The following ACYP1 variants were observed in gnomAD, a reference collection of about 807,000 sequenced individuals.
ACYP1 encodes acylphosphatase-1.
A neutral mutation model predicts 10.4 loss-of-function variants in ACYP1; 8 were observed. The observed-to-expected ratio is 0.77, with a 90% confidence interval of 0.45 to 1.38. The LOEUF (loss-of-function observed/expected upper bound fraction) is 1.38, where lower values mean the gene tolerates loss of function less well. Among genes scored for constraint, ACYP1 ranks in the 40% most tolerant of loss-of-function variants. ACYP1 has a pLI of 0.00. For synonymous variants in ACYP1, 38 were observed against 40.8 expected (o/e 0.93, Z 0.26); for missense variants, 93 against 117.3 (o/e 0.79, Z 0.96).
At chr14:75,065,739 A>G (rs1390756025), upstream of ACYP1, among the ~76,000 whole-genome samples, 3 of 152,222 alleles carry the variant, frequency 2.0e-5, no homozygotes, top group South Asian at 4.1e-4. Flanking sequence ...GCCCTGTGCT[A>G]TAACAAGGAC....
intron 2 of ACYP1, among the ~76,000 whole-genome samples, chr14:75,055,235 C>T (rs1227683388): frequency 2.0e-4 from 30 of 150,870 alleles, no homozygotes; most frequent in Admixed American, 1.7e-3. Flanking sequence ...CACAGGCGCC[C>T]GCAACCACTC....
chr14:75,057,964 CAAAAAAAA>C (rs769312151), intron 2 of ACYP1, among the ~76,000 whole-genome samples: 2 of 38,804 alleles, frequency 5.2e-5, no homozygotes, highest in Non-Finnish European at 4.2e-5. Context: ...GACTCTGTCT[CAAAAAAAA>C]AAAAAAAAAA....
intron 2 of ACYP1, among the ~76,000 whole-genome samples, chr14:75,062,285 G>C (rs2139657776): frequency 6.8e-6 from 1 of 146,448 alleles, no homozygotes; most frequent in South Asian, 2.2e-4. Context: ...AAAAAAAAAA[G>C]CTGGGTGTGG....
chr14:75,061,629 CT>C, intron 2 of ACYP1: 1 of 1,357,524 alleles, frequency 7.4e-7, no homozygotes. Context: ...CCCTCAACAA[CT>C]TTGACTAATC....
At chr14:75,069,488 A>G, upstream of ACYP1, 1 of 487,960 alleles carries the variant, frequency 2.0e-6, no homozygotes, top group Admixed American at 4.1e-5. Flanking sequence ...CCGGACACTG[A>G]CTGGGTCAAG....
exon 1 of ACYP1, chr14:75,069,221 C>T (rs1893231993): frequency 6.6e-7 from 1 of 1,511,892 alleles, no homozygotes; most frequent in Non-Finnish European, 8.8e-7. Flanking sequence ...TGGGGCCCGC[C>T]CAGCGCAGCC....
rs954982870 is a variant in ACYP1, at chr14:75,069,104, T to C, written c.82+106A>G. 2.7e-5 allele frequency: 30 copies of C among 1,119,736 alleles called. No homozygotes were observed. In the East Asian group the frequency reaches 5.8e-4, roughly 22 times the overall value. 69.4% of individuals were successfully genotyped at this position (1,119,736 alleles called of 1,614,324 possible). A position where few individuals can be genotyped will look rare whatever the true frequency, so the allele number is the denominator to read the frequency against. On this transcript the variant is annotated intron_variant, in intron 1 of 2. Coordinates refer to the ACYP1 transcript ENST00000555463. ...ACATTATAATATCAAAATAATTAGA[T>C]TGGCCACAAAAACTACCACGGAAAG...
intron 2 of ACYP1, among the ~76,000 whole-genome samples, chr14:75,059,309 G>C (rs1337982831): frequency 6.6e-6 from 1 of 151,908 alleles, no homozygotes; most frequent in Non-Finnish European, 1.5e-5. Context: ...GATCAGCCAG[G>C]CAACATGGGG....
intron 2 of ACYP1, among the ~76,000 whole-genome samples, chr14:75,053,942 C>T (rs138997423): frequency 6.6e-6 from 1 of 152,296 alleles, no homozygotes; most frequent in Admixed American, 6.5e-5. Flanking sequence ...AAGTCCAAAA[C>T]AGATGCTTTT....
At chr14:75,066,370 A>G (rs561936557), upstream of ACYP1, among the ~76,000 whole-genome samples, 1 of 50,230 alleles carries the variant, frequency 2.0e-5, no homozygotes, top group Non-Finnish European at 4.4e-5. Context: ...TGTCAATTAT[A>G]TTTTAATAAA....
chr14:75,067,025 A>C (rs1893153257), upstream of ACYP1, among the ~76,000 whole-genome samples: 1 of 152,208 alleles, frequency 6.6e-6, no homozygotes, highest in Non-Finnish European at 1.5e-5. Context: ...GAGGTTCCTA[A>C]GGAACAATCT....
intron 2 of ACYP1, among the ~76,000 whole-genome samples, chr14:75,062,813 C>T (rs1893061846): frequency 6.6e-6 from 1 of 152,170 alleles, no homozygotes; most frequent in Admixed American, 6.5e-5. Context: ...AGATTAGCCA[C>T]ATTAAAGCAG....
At chr14:75,061,877 G>A (rs10129657) in intron 2 of ACYP1, 288,119 of 596,126 alleles carry the variant, frequency 0.48, 73,837 homozygotes, top group East Asian at 0.83. Flanking sequence ...CAAGGTGGGC[G>A]GATCACCTGA....
chr14:75,054,426 TCTTTC>T (rs1042529051), intron 2 of ACYP1, among the ~76,000 whole-genome samples: 2 of 151,806 alleles, frequency 1.3e-5, no homozygotes, highest in East Asian at 1.9e-4. Context: ...TTTTTAATGT[TCTTTC>T]CTTTTATTAA....
At chr14:75,063,433 A>G in intron 2 of ACYP1, 37 bp downstream of exon 2, 1 of 1,565,396 alleles carries the variant, frequency 6.4e-7, no homozygotes, top group Non-Finnish European at 8.8e-7. Context: ...TATGCCCACA[A>G]CCTAGGTTAC....
intron 2 of ACYP1, among the ~76,000 whole-genome samples, chr14:75,058,043 T>C (rs571027394): frequency 6.8e-6 from 1 of 147,892 alleles, no homozygotes; most frequent in African/African-American, 2.5e-5. Context: ...ATTTGACTCA[T>C]GATTCTGTAG....
chr14:75,058,069 G>T (rs1013221807), intron 2 of ACYP1, among the ~76,000 whole-genome samples: 4 of 148,912 alleles, frequency 2.7e-5, no homozygotes, highest in Non-Finnish European at 4.4e-5. Flanking sequence ...ATAAGCATGA[G>T]ACTGTCACTG....
intron 2 of ACYP1, among the ~76,000 whole-genome samples, chr14:75,059,122 G>T (rs572479401): frequency 6.3e-5 from 9 of 142,266 alleles, no homozygotes; most frequent in Non-Finnish European, 1.1e-4. Context: ...GAGGCGGAAG[G>T]TTGCAGTGAG....
At chr14:75,062,214 A>C (rs1893040834) in intron 2 of ACYP1, among the ~76,000 whole-genome samples, 1 of 149,980 alleles carries the variant, frequency 6.7e-6, no homozygotes, top group Non-Finnish European at 1.5e-5. Context: ...CAGAAGGATC[A>C]CTTGAGCCTG....
Sources: gnomAD v4.1 joint callset for allele counts (sites outside exome capture counted in the v4.1 genomes callset) on GRCh38, gnomAD v4.1.1 for gene constraint, MANE v1.5 for transcripts, NCBI Gene and HGNC (gene_info 2026-07-23, HGNC 2026-07-21) for gene names.